Variants in ANKUB1 observed in about 807,000 individuals in gnomAD.
ANKUB1 encodes ankyrin repeat and ubiquitin domain containing 1.
A neutral mutation model predicts 49.3 loss-of-function variants in ANKUB1; 42 were observed. That is an observed-to-expected ratio of 0.85 (90% CI 0.67 to 1.10). The LOEUF (loss-of-function observed/expected upper bound fraction) is 1.10. ANKUB1 is among the 50% of genes least tolerant of loss of function. The pLI is 0.00. For missense variants in ANKUB1, 613 were observed against 642.0 expected (o/e 0.95, Z 0.49); for synonymous variants, 222 against 231.0 (o/e 0.96, Z 0.35).
At chr3:149,789,439 T>C (rs891316750) in intron 2 of ANKUB1, among the ~76,000 whole-genome samples, 2 of 152,144 alleles carry the variant, frequency 1.3e-5, no homozygotes, top group African/African-American at 4.8e-5. Flanking sequence ...GAGAAGACAT[T>C]AAGAAGTGGC....
intron 2 of ANKUB1, among the ~76,000 whole-genome samples, chr3:149,784,114 G>A (rs1166527656): frequency 6.6e-6 from 1 of 152,104 alleles, no homozygotes; most frequent in Non-Finnish European, 1.5e-5. Context: ...TAACTTATCT[G>A]ATAAACATCT....
Position 149,764,536 on chromosome 3 carries a change from C to T in ANKUB1, c.1505+2621G>A, listed in dbSNP as rs112843331. 9.8e-3 allele frequency among the ~76,000 whole-genome samples: 871 copies of T among 89,086 alleles called. 11 individuals carry two copies. The highest frequency in any genetic ancestry group is 0.04 in the African/African-American group (835 of 20,842). The allele number at this position is 89,086 out of a possible 152,430, so 58.4% of individuals were successfully genotyped here. A position where few individuals can be genotyped will look rare whatever the true frequency, so the allele number is the denominator to read the frequency against. The stretch of plus-strand genomic sequence containing the variant: ...ACTCCCCCTATGGGTCTCCCTTCTG[C>T]ATTAATCCCTTCCTTCCTTTCCCTT... On this transcript the variant is annotated intron_variant, in intron 5 of 5. Transcript: ENST00000446160.
intron 2 of ANKUB1, among the ~76,000 whole-genome samples, chr3:149,787,410 C>T (rs901195155): frequency 1.3e-5 from 2 of 152,166 alleles, no homozygotes; most frequent in Admixed American, 6.5e-5. Context: ...GATTTTTGCA[C>T]ATTGATTTTG....
At chr3:149,786,764 T>G (rs1317527624) in intron 2 of ANKUB1, among the ~76,000 whole-genome samples, 15 of 152,146 alleles carry the variant, frequency 9.9e-5, no homozygotes, top group Non-Finnish European at 1.5e-5. Context: ...TTGTATAAGG[T>G]GTAAGGAAGT....
intron 3 of ANKUB1, among the ~76,000 whole-genome samples, chr3:149,773,868 T>C (rs889873934): frequency 2.0e-5 from 3 of 152,148 alleles, no homozygotes; most frequent in African/African-American, 7.2e-5. Flanking sequence ...TAGGAGGGAA[T>C]TTATTAAGAT....
At chr3:149,786,681 C>T (rs1345824313) in intron 2 of ANKUB1, among the ~76,000 whole-genome samples, 2 of 152,118 alleles carry the variant, frequency 1.3e-5, no homozygotes, top group Non-Finnish European at 2.9e-5. Context: ...AATGGTATTG[C>T]CTAGGTTTTC....
intron 5 of ANKUB1, among the ~76,000 whole-genome samples, chr3:149,762,343 T>A (rs1716817452): frequency 6.6e-6 from 1 of 152,188 alleles, no homozygotes; most frequent in Non-Finnish European, 1.5e-5. Flanking sequence ...ATTTAACATA[T>A]CTTTATCTTC....
At chr3:149,778,372 A>T (rs188039585) in intron 3 of ANKUB1, 1 of 152,214 alleles carries the variant, frequency 6.6e-6, no homozygotes, top group African/African-American at 2.4e-5. Context: ...CATGCTGAGC[A>T]AGTCATTTAA....
At position 149,766,438 on chromosome 3, in the gene ANKUB1, C is replaced by A. The variant is rs919769682; in HGVS notation, c.1505+719G>T. Among the ~76,000 whole-genome samples the A allele has an allele frequency of 4.6e-5, 7 of 152,038 alleles. No homozygotes were observed. The East Asian group carries it at 1.3e-3, about 29-fold the overall frequency. Reference sequence around the variant, plus strand: ...GTTTTCTCTCTTTCCCCTCTAATTACAATTAATGTTTTATTAGCTTTAGAA... The same window carrying A: ...GTTTTCTCTCTTTCCCCTCTAATTAAAATTAATGTTTTATTAGCTTTAGAA... On this transcript the variant is annotated intron_variant, in intron 5 of 5. Transcript: ENST00000446160.
chr3:149,767,128 T>C, intron 5 of ANKUB1, 29 bp downstream of exon 5: 3 of 1,472,614 alleles, frequency 2.0e-6, no homozygotes, highest in Non-Finnish European at 2.7e-6. Context: ...AAAGCTTTGC[T>C]GTTTGTATGT....
intron 3 of ANKUB1, chr3:149,778,894 G>T (rs907175242): frequency 5.9e-5 from 9 of 152,122 alleles, no homozygotes; most frequent in African/African-American, 2.2e-4. Context: ...TGTATATGTT[G>T]GGAGAACTCA....
In ANKUB1 at chr3:149,767,974, A is replaced by G. The variant is rs1470716343; in HGVS notation, c.688T>C (p.Trp230Arg). ...TCTGCATGAAGGGCTTCATGGCACC[A>G]TGCTCGATAGGGGTGAACACCGACT... ...EAVGVHPYRA[W>R]CHEALHADVS... The change falls in exon 5 of 6, where the codon TGG (tryptophan) becomes CGG (arginine). Residue 230 changes from tryptophan to arginine, a missense_variant. By Grantham distance (101) the Trp-to-Arg change is moderately radical. Coordinates refer to ENST00000446160, the MANE Select transcript of ANKUB1 (RefSeq NM_001144960.3). 3.2e-6 allele frequency: 5 copies of G among 1,538,828 alleles called. No homozygotes were observed. The highest frequency in any genetic ancestry group is 1.2e-5 in the South Asian group (1 of 83,038).
At chr3:149,766,494 G>T in intron 5 of ANKUB1, 1 of 201,536 alleles carries the variant, frequency 5.0e-6, no homozygotes, top group Non-Finnish European at 1.0e-5. Context: ...AGTGGAAGAG[G>T]AGGAAAAAGA....
At chr3:149,784,650 A>G (rs114183455) in intron 2 of ANKUB1, among the ~76,000 whole-genome samples, 2,813 of 152,290 alleles carry the variant, frequency 0.018, 48 homozygotes, top group Middle Eastern at 0.078. Flanking sequence ...TAGCTTTTCA[A>G]TACTTATTTT....
intron 2 of ANKUB1, among the ~76,000 whole-genome samples, chr3:149,786,162 G>C (rs928690038): frequency 6.6e-6 from 1 of 151,946 alleles, no homozygotes; most frequent in East Asian, 1.9e-4. Context: ...CAGCCTCCCC[G>C]GTAGCTGGGA....
At chr3:149,791,098 T>C (rs1345086685) in intron 1 of ANKUB1, among the ~76,000 whole-genome samples, 174 bp from the exon 2 acceptor site, 1 of 152,150 alleles carries the variant, frequency 6.6e-6, no homozygotes, top group Non-Finnish European at 1.5e-5. Context: ...CATTTATGGG[T>C]AGAATTTAGA....
In ANKUB1 at chr3:149,770,559, C is replaced by T; in HGVS notation, c.566+1G>A. On this transcript the variant is annotated splice_donor_variant, in intron 4 of 5. Transcript: ENST00000446160. LOFTEE classifies it high-confidence loss of function. ...GTTAATTTAAAATTAATTTCTCATA[C>T]TTGAGTACTGGTCCTTCTTTTGATA... 4 of 1,535,720 alleles carry T rather than the reference C, an allele frequency of 2.6e-6. No individual in the cohort carries two copies. Among genetic ancestry groups the T allele is most frequent in the African/African-American group, 1.4e-5 (1 of 72,604 alleles).
intron 5 of ANKUB1, among the ~76,000 whole-genome samples, chr3:149,764,670 C>T (rs1296282081): frequency 2.2e-5 from 2 of 89,346 alleles, no homozygotes; most frequent in East Asian, 3.4e-4. Context: ...TTCTTTCTTT[C>T]TTTTTCTTTC....
intron 3 of ANKUB1, chr3:149,778,289 C>G (rs752922314): frequency 6.6e-6 from 1 of 152,202 alleles, no homozygotes; most frequent in Non-Finnish European, 1.5e-5. Flanking sequence ...AACCTTATAT[C>G]TGAACACCCT....
Sources: gnomAD v4.1 joint callset for allele counts (sites outside exome capture counted in the v4.1 genomes callset) on GRCh38, gnomAD v4.1.1 for gene constraint, MANE v1.5 for transcripts, NCBI Gene and HGNC (gene_info 2026-07-23, HGNC 2026-07-21) for gene names.